CSTB: variants seen among roughly 807,000 people sequenced by gnomAD.
CSTB encodes the protein cystatin B.
Under a neutral mutation model 7.6 loss-of-function variants are expected in CSTB, and 8 were observed. The ratio of observed to expected loss-of-function variants is 1.05; its 90% CI spans 0.62 to 1.89. The LOEUF is 1.89. Among genes scored for constraint, CSTB ranks in the 40% most tolerant of loss-of-function variants. CSTB has a pLI of 0.00. For synonymous variants in CSTB, 56 were observed against 55.3 expected, an observed-to-expected ratio of 1.01 and a Z score of -0.06; for missense variants, 124 against 126.4, an observed-to-expected ratio of 0.98 and a Z score of 0.09.
chr21:43,775,837 CACCT>C (rs1307360479), intron 1 of CSTB: 1 of 228,258 alleles, frequency 4.4e-6, no homozygotes, highest in Non-Finnish European at 8.4e-6. Context: ...GCCGGCTGCT[CACCT>C]GCGCCATCGC....
At chr21:43,774,518 T>G (rs908466146) in intron 2 of CSTB, 140 bp downstream of exon 2, 10 of 1,129,910 alleles carry the variant, frequency 8.9e-6, no homozygotes, top group Non-Finnish European at 1.3e-5. Flanking sequence ...GAAAGGCCGA[T>G]GGACACACAC....
chr21:43,776,118 G>A (rs1410707338), intron 1 of CSTB, 86 bp downstream of exon 1: 3 of 1,279,046 alleles, frequency 2.3e-6, no homozygotes, highest in East Asian at 2.7e-5. Context: ...CGGGGCCAAA[G>A]CGGCTTCTTT....
intron 1 of CSTB, 143 bp downstream of exon 1, chr21:43,776,060 AG>A: frequency 1.5e-6 from 1 of 662,856 alleles, no homozygotes; most frequent in East Asian, 3.4e-5. Flanking sequence ...GCCCGAGCGG[AG>A]GGAGGCCTCT....
chr21:43,775,690 A>G (rs928205008), intron 1 of CSTB: 2 of 153,200 alleles, frequency 1.3e-5, no homozygotes, highest in African/African-American at 4.8e-5. Flanking sequence ...GCTTGGCCAA[A>G]CTGTAGTCGG....
Position 43,774,082 on chromosome 21 carries a change from T to TG in CSTB, c.*119_*120insC. The TG allele has an allele frequency of 7.4e-7, 1 of 1,350,996 alleles. No individual in the cohort carries two copies. Among genetic ancestry groups the TG allele is most frequent in the Non-Finnish European group, 1.1e-6 (1 of 947,578 alleles). The allele number at this position is 1,350,996 out of a possible 1,614,324, so 83.7% of individuals were successfully genotyped here. A position where few individuals can be genotyped will look rare whatever the true frequency, so the allele number is the denominator to read the frequency against. Reference sequence around the variant, plus strand: ...AAAGCAGCTGCAGAATCCTGCCCCTTCCACCCCAAGGGGCACAGCCCGGAG... The same window carrying TG: ...AAAGCAGCTGCAGAATCCTGCCCCTTGCCACCCCAAGGGGCACAGCCCGGAG... On this transcript the variant is annotated 3_prime_UTR_variant, in exon 3 of 3. Coordinates refer to ENST00000291568, the MANE Select transcript of CSTB (RefSeq NM_000100.4).
chr21:43,775,138 C>G, intron 1 of CSTB: 2 of 339,050 alleles, frequency 5.9e-6, no homozygotes, highest in Non-Finnish European at 1.1e-5. Flanking sequence ...CAGGAGAATC[C>G]CTTGAACCTG....
At position 43,774,684 on chromosome 21, in the gene CSTB, C is replaced by T; in HGVS notation, c.142G>A (p.Val48Ile). The stretch of plus-strand genomic sequence containing the variant: ...TTGATGAAGTAGTTTGTCCCCGCGA[C>T]CACCTGGCTCTTGAATGACACGGCC... ...FKAVSFKSQV[V>I]AGTNYFIKVH... Residue 48 changes from valine (V) to isoleucine (I), a missense_variant, in exon 2 of 3, where the codon GTC (valine) becomes ATC (isoleucine). Physicochemically the swap from Val to Ile is conservative, Grantham distance 29 (BLOSUM62 3). Coordinates refer to ENST00000291568, the MANE Select transcript of CSTB (RefSeq NM_000100.4). 6.2e-7 allele frequency: 1 copy of T among 1,614,110 alleles called. No homozygotes were observed. Among genetic ancestry groups the T allele is most frequent in the Non-Finnish European group, 8.5e-7 (1 of 1,179,970 alleles).
intron 1 of CSTB, chr21:43,775,142 G>T: frequency 3.0e-6 from 1 of 337,242 alleles, no homozygotes; most frequent in South Asian, 2.4e-5. Context: ...AGAATCCCTT[G>T]AACCTGGGAA....
In CSTB at chr21:43,774,336, AAGAGAGCGG is replaced by A; in HGVS notation, c.169-15_169-7del. 6.2e-7 allele frequency: 1 copy of A among 1,614,156 alleles called. No individual in the cohort carries two copies. Among genetic ancestry groups the A allele is most frequent in the South Asian group, 1.1e-5 (1 of 91,088 alleles). On this transcript the variant is annotated splice_polypyrimidine_tract_variant and splice_region_variant and intron_variant, in intron 2 of 2. Transcript: ENST00000291568. Reference sequence around the variant, plus strand: ...TCCTCGTCGCCGACGTGCACCTGGGAAGAGAGCGGAGTGAGCGAAGCCTCTGATCCCAAG... The same window carrying A: ...TCCTCGTCGCCGACGTGCACCTGGGAAGTGAGCGAAGCCTCTGATCCCAAG...
chr21:43,774,001 A>G lies in CSTB; in HGVS notation c.*201T>C, dbSNP rs572952209. On this transcript the variant is annotated 3_prime_UTR_variant, in exon 3 of 3. Coordinates refer to ENST00000291568, the MANE Select transcript of CSTB (RefSeq NM_000100.4). The stretch of plus-strand genomic sequence containing the variant: ...TGAAAATATTCTGAAAGTAATTAAG[A>G]TCACCTATTGGGAAGGAAAGAAATC... 4.9e-5 allele frequency: 31 copies of G among 634,176 alleles called. 1 individual carries two copies. In the East Asian group the frequency reaches 6.9e-4, roughly 14 times the overall value. 39.3% of individuals were successfully genotyped at this position (634,176 alleles called of 1,614,324 possible).
Position 43,774,278 on chromosome 21 carries a change from G to A in CSTB, c.221C>T (p.Pro74Leu), listed in dbSNP as rs753004113. The change falls in exon 3 of 3, where the codon CCT becomes CTT. Residue 74 changes from proline (P) to leucine (L), a missense_variant. Coordinates refer to ENST00000291568, the MANE Select transcript of CSTB (RefSeq NM_000100.4). ...TAAGGTCAAGGGCTTGTTTTCATGA[G>A]GGAGAGATTGGAACACTCGCAGGTG... ...FVHLRVFQSLPHENKPLTLSN... is the reference protein window; with the variant it reads ...FVHLRVFQSLLHENKPLTLSN... 10 of 1,614,098 alleles carry A rather than the reference G, an allele frequency of 6.2e-6. No homozygotes were observed. The African/African-American group carries it at 1.2e-4, about 19-fold the overall frequency.
At chr21:43,775,996 T>A in intron 1 of CSTB, 1 of 478,902 alleles carries the variant, frequency 2.1e-6, no homozygotes, top group African/African-American at 2.1e-5. Flanking sequence ...CGGAGCCCAA[T>A]GTCTCCCCAG....
Position 43,774,772 on chromosome 21 carries a change from G to C in CSTB, c.67-13C>G. The C allele has an allele frequency of 6.2e-7, 1 of 1,601,446 alleles. No homozygotes were observed. Among genetic ancestry groups the C allele is most frequent in the Non-Finnish European group, 8.6e-7 (1 of 1,168,494 alleles). On this transcript the variant is annotated splice_polypyrimidine_tract_variant and intron_variant, in intron 1 of 2. Coordinates refer to ENST00000291568, the MANE Select transcript of CSTB (RefSeq NM_000100.4). ...GCTGGGACCTCACCTAGACAGAAGGGACAGAATGAGGATGTCTCAGTGGCT... is the reference window on the plus strand; with the variant it reads ...GCTGGGACCTCACCTAGACAGAAGGCACAGAATGAGGATGTCTCAGTGGCT...
intron 1 of CSTB, 117 bp from the exon 2 acceptor site, chr21:43,774,876 TGTCTCTTACAACTG>T (rs1372209559): frequency 7.7e-6 from 6 of 781,710 alleles, no homozygotes; most frequent in Non-Finnish European, 1.4e-5. Context: ...TTCACACAAT[TGTCTCTTACAACTG>T]AAGGGACATT....
chr21:43,774,653 T>C lies in CSTB; in HGVS notation c.168+5A>G, dbSNP rs775447833. The C allele has an allele frequency of 2.0e-5, 32 of 1,612,136 alleles. No homozygotes were observed. Among genetic ancestry groups the C allele is most frequent in the Non-Finnish European group, 2.6e-5 (31 of 1,178,338 alleles). On this transcript the variant is annotated splice_donor_5th_base_variant and intron_variant, in intron 2 of 2. Transcript: ENST00000291568. ...GGGCAGGCCCTCCTGAGGCCCACAC[T>C]CTACCTTGATGAAGTAGTTTGTCCC...
At chr21:43,775,255 G>T in intron 1 of CSTB, 1 of 242,208 alleles carries the variant, frequency 4.1e-6, no homozygotes, top group East Asian at 1.1e-4. Context: ...CCTCAGCATC[G>T]CCTGGACCTG....
rs539728972 is a variant in CSTB at position 43,776,189 on chromosome 21, C to A, written c.66+15G>T. 2.6e-6 allele frequency: 4 copies of A among 1,528,284 alleles called. No homozygotes were observed. Among genetic ancestry groups the A allele is most frequent in the Non-Finnish European group, 3.5e-6 (4 of 1,142,030 alleles). The allele number at this position is 1,528,284 out of a possible 1,614,324, so 94.7% of individuals were successfully genotyped here. ...GCAGGACTCCGGGCCGGCCCCGTCC[C>A]CGCGGCCCACCCACCTGGTCGGCGA... is the stretch of plus-strand genomic sequence containing the variant. On this transcript the variant is annotated intron_variant, in intron 1 of 2. Transcript: ENST00000291568.
At chr21:43,775,804 A>G (rs2084006973) in intron 1 of CSTB, 2 of 192,000 alleles carry the variant, frequency 1.0e-5, no homozygotes, top group Admixed American at 6.2e-5. Flanking sequence ...CCCGCTTGCT[A>G]TCGGATCACC....
Position 43,776,235 on chromosome 21 carries a change from G to A in CSTB, c.35C>T (p.Ala12Val), listed in dbSNP as rs1464958440. 1.3e-6 allele frequency: 2 copies of A among 1,529,568 alleles called. No homozygotes were observed. The highest frequency in any genetic ancestry group is 1.2e-5 in the South Asian group (1 of 82,510). 94.7% of individuals were successfully genotyped at this position (1,529,568 alleles called of 1,614,324 possible). The change falls in exon 1 of 3, where the codon GCC (alanine) becomes GTC (valine). Residue 12 changes from alanine (A) to valine (V), a missense_variant. Coordinates refer to ENST00000291568, the MANE Select transcript of CSTB (RefSeq NM_000100.4). ...GGCGATGTGCTGGGTCTCGGCGGTGGCCGGCTGCGTGGCGGAGGGCGCCCC... is the reference window on the plus strand; with the variant it reads ...GGCGATGTGCTGGGTCTCGGCGGTGACCGGCTGCGTGGCGGAGGGCGCCCC... The part of the protein sequence containing the change: ...MCGAPSATQP[A>V]TAETQHIADQ...
Sources: allele counts gnomAD v4.1 joint callset, GRCh38; gene constraint gnomAD v4.1.1; transcripts MANE v1.5; gene names NCBI Gene and HGNC (gene_info 2026-07-23, HGNC 2026-07-21).